The following MMEL1 variants were observed in gnomAD, a reference collection of about 807,000 sequenced individuals.
MMEL1 encodes the protein membrane metalloendopeptidase like 1, also known as membrane metallo-endopeptidase-like 1.
In MMEL1, 98 loss-of-function variants were observed where a neutral mutation model predicts 117.1. The observed-to-expected ratio is 0.84, with a 90% confidence interval of 0.71 to 0.99. MMEL1 has a LOEUF of 0.99. MMEL1 is among the 50% of genes least tolerant of loss of function. MMEL1 has a pLI of 0.00. For missense variants in MMEL1, 1,014 were observed against 1,049.1 expected, an observed-to-expected ratio of 0.97 and a Z score of 0.46; for synonymous variants, 390 against 415.1, an observed-to-expected ratio of 0.94 and a Z score of 0.74.
At chr1:2,598,080 C>T (rs1396719180) in intron 13 of MMEL1, 127 bp downstream of exon 13, 2 of 870,150 alleles carry the variant, frequency 2.3e-6, no homozygotes, top group Non-Finnish European at 3.7e-6. Flanking sequence ...GGGGTGGGCG[C>T]CTCGCCCTGC....
intron 23 of MMEL1, 91 bp downstream of exon 23, chr1:2,591,465 GC>G: frequency 9.4e-7 from 1 of 1,061,042 alleles, no homozygotes; most frequent in Non-Finnish European, 1.5e-6. Flanking sequence ...TCTCTGTTGA[GC>G]CACTTTTTGT....
At chr1:2,598,441 C>T (rs1644881253) in intron 12 of MMEL1, 141 bp from the exon 13 acceptor site, 1 of 1,172,946 alleles carries the variant, frequency 8.5e-7, no homozygotes, top group Admixed American at 2.4e-5. Context: ...ACAACCACCT[C>T]CAAGATCCAG....
intron 3 of MMEL1, among the ~76,000 whole-genome samples, 173 bp downstream of exon 3, chr1:2,611,954 G>A (rs535290042): frequency 2.6e-4 from 40 of 152,296 alleles, no homozygotes; most frequent in African/African-American, 8.9e-4. Context: ...AGCCTCCTGC[G>A]TCCAGCAGGT....
intron 4 of MMEL1, among the ~76,000 whole-genome samples, chr1:2,610,777 T>A (rs1645112773): frequency 6.6e-6 from 1 of 152,160 alleles, no homozygotes; most frequent in African/African-American, 2.4e-5. Context: ...TCTTGGCCAC[T>A]CCACCTCTGG....
rs370709492 is a variant in MMEL1, at chr1:2,605,540, C to T, written c.816+18G>A. On this transcript the variant is annotated intron_variant, in intron 9 of 23. Transcript: ENST00000378412. ...GTGATGGGGGGGTCATCTGGCATTGCGGTGAGGACCCACCCACCTTCCGGT... is the reference window on the plus strand; with the variant it reads ...GTGATGGGGGGGTCATCTGGCATTGTGGTGAGGACCCACCCACCTTCCGGT... The T allele has an allele frequency of 2.3e-5, 37 of 1,605,496 alleles. 1 individual carries two copies. The Middle Eastern group carries it at 8.3e-4, about 36-fold the overall frequency.
At chr1:2,626,242 G>C (rs1397742652) in intron 2 of MMEL1, among the ~76,000 whole-genome samples, 1 of 152,178 alleles carries the variant, frequency 6.6e-6, no homozygotes, top group Admixed American at 6.5e-5. Flanking sequence ...AAGAAATTTG[G>C]GGAAGAGGTA....
intron 21 of MMEL1, 121 bp from the exon 22 acceptor site, chr1:2,592,148 C>T: frequency 1.3e-6 from 1 of 762,996 alleles, no homozygotes; most frequent in Non-Finnish European, 2.2e-6. Context: ...CCTGCTGCTG[C>T]AAGGGCCCTT....
chr1:2,597,960 G>T (rs536207484), intron 13 of MMEL1, among the ~76,000 whole-genome samples: 79 of 152,192 alleles, frequency 5.2e-4, no homozygotes, highest in African/African-American at 1.6e-3. Context: ...TCGCCTCCCC[G>T]GAGCAGTGCT....
At position 2,629,369 on chromosome 1, in the gene MMEL1, G is replaced by A. The variant is rs376092036; in HGVS notation, c.116C>T (p.Ala39Val). ...GTAGAGGACACCCAAGGCCACCAGG[G>A]CAGCGGTCACCAGCAGCAGCAGCAG... ...LLLLLLLVTAALVALGVLYAD... is the reference protein window; with the variant it reads ...LLLLLLLVTAVLVALGVLYAD... The change falls in exon 2 of 24, where the codon GCC becomes GTC. Residue 39 changes from alanine to valine, a missense_variant. Coordinates refer to ENST00000378412, the MANE Select transcript of MMEL1 (RefSeq NM_033467.4). 66 of 1,544,724 alleles carry A rather than the reference G, an allele frequency of 4.3e-5. No homozygotes were observed. The African/African-American group carries it at 8.4e-4, about 20-fold the overall frequency.
chr1:2,609,737 G>T lies in MMEL1; in HGVS notation c.387C>A (p.Ile129=), dbSNP rs1478007314. The change falls in exon 5 of 24, where the codon ATC becomes ATA. Residue 129 remains isoleucine (I), a synonymous_variant. Transcript: ENST00000378412. ...ACGGWLRRHV[I]PETNSRYSIF... ...TGCTGTATCTTGAGTTGGTCTCAGG[G>T]ATCACGTGGCGCCGCAGCCAGCCTC... The T allele has an allele frequency of 6.2e-7, 1 of 1,613,836 alleles. No homozygotes were observed. The highest frequency in any genetic ancestry group is 1.7e-5 in the Admixed American group (1 of 60,012).
intron 6 of MMEL1, 50 bp downstream of exon 6, chr1:2,609,289 A>G: frequency 6.4e-7 from 1 of 1,554,802 alleles, no homozygotes. Context: ...TGGCAGGGGC[A>G]GCCCGCCCCC....
chr1:2,604,757 C>T (rs1453046203), intron 9 of MMEL1, among the ~76,000 whole-genome samples: 1 of 152,172 alleles, frequency 6.6e-6, no homozygotes, highest in African/African-American at 2.4e-5. Context: ...GAGCTGCCTT[C>T]CTCGCGCTGG....
Position 2,598,240 on chromosome 1 carries a change from C to T in MMEL1, c.1239G>A (p.Gln413=), listed in dbSNP as rs1644877555. 5.0e-6 allele frequency: 8 copies of T among 1,614,136 alleles called. No homozygotes were observed. The highest frequency in any genetic ancestry group is 6.8e-6 in the Non-Finnish European group (8 of 1,180,012). ...AGTTCACTCGTGTGTCCTTGAATCTCTGGCTTAGGCTACCAATGCGGTCCA... is the reference window on the plus strand; with the variant it reads ...AGTTCACTCGTGTGTCCTTGAATCTTTGGCTTAGGCTACCAATGCGGTCCA... The part of the protein sequence containing the change: ...LVLDRIGSLS[Q]RFKDTRVNYR... Residue 413 remains glutamine, a synonymous_variant, in exon 13 of 24, where the codon CAG becomes CAA. Transcript: ENST00000378412.
chr1:2,602,695 C>A (rs1001462695), intron 11 of MMEL1, among the ~76,000 whole-genome samples: 1 of 152,200 alleles, frequency 6.6e-6, no homozygotes, highest in Non-Finnish European at 1.5e-5. Context: ...AGGTCGGACA[C>A]GGCATCCCCC....
chr1:2,616,816 C>T (rs1366215127), intron 2 of MMEL1, among the ~76,000 whole-genome samples: 2 of 152,338 alleles, frequency 1.3e-5, no homozygotes, highest in East Asian at 3.9e-4. Flanking sequence ...TTCATGCCTC[C>T]TTCATGCCTG....
At chr1:2,601,470 T>C (rs1644930968) in intron 11 of MMEL1, among the ~76,000 whole-genome samples, 1 of 152,192 alleles carries the variant, frequency 6.6e-6, no homozygotes, top group African/African-American at 2.4e-5. Context: ...CAGTAGATTG[T>C]AGACCTAAGC....
intron 2 of MMEL1, among the ~76,000 whole-genome samples, chr1:2,628,197 G>T (rs1046377963): frequency 1.3e-5 from 2 of 152,192 alleles, no homozygotes; most frequent in Non-Finnish European, 2.9e-5. Flanking sequence ...CATGGAGGTC[G>T]CAGGACCCCT....
chr1:2,629,267 G>A, intron 2 of MMEL1, 64 bp downstream of exon 2: 1 of 1,470,052 alleles, frequency 6.8e-7, no homozygotes, highest in Admixed American at 2.1e-5. Context: ...CCTGCAGCAG[G>A]TGCAGCGGGG....
chr1:2,628,124 C>T (rs892114685), intron 2 of MMEL1, among the ~76,000 whole-genome samples: 3 of 152,238 alleles, frequency 2.0e-5, no homozygotes, highest in Admixed American at 6.5e-5. Flanking sequence ...CTGAACAGAG[C>T]TTCCCTTGGG....
Sources: allele counts gnomAD v4.1 joint callset (sites outside exome capture counted in the v4.1 genomes callset), GRCh38; gene constraint gnomAD v4.1.1; transcripts MANE v1.5; gene names NCBI Gene and HGNC (gene_info 2026-07-23, HGNC 2026-07-21).